The following KPNB1 variants were observed in gnomAD, a reference collection of about 807,000 sequenced individuals.
KPNB1 encodes karyopherin subunit beta 1, also known as importin subunit beta-1.
A neutral mutation model predicts 113.0 loss-of-function variants in KPNB1; 7 were observed. That is an observed-to-expected ratio of 0.06 (90% CI 0.04 to 0.12). KPNB1 has a LOEUF of 0.12. Ranked by LOEUF, KPNB1 falls within the 10% of genes least tolerant of loss-of-function variation. The probability of loss-of-function intolerance (pLI) is 1.00; values close to 1 mark genes in which losing one functional copy is unlikely to be tolerated. For missense variants in KPNB1, 400 were observed against 1,054.8 expected (o/e 0.38, Z 8.60); for synonymous variants, 363 against 378.6 (o/e 0.96, Z 0.48).
chr17:47,659,815 G>A (rs1035778860), intron 5 of KPNB1, among the ~76,000 whole-genome samples: 1 of 151,974 alleles, frequency 6.6e-6, no homozygotes, highest in Non-Finnish European at 1.5e-5. Flanking sequence ...GCTGAGGTGG[G>A]AGGATCACTT....
At chr17:47,659,830 C>G (rs1457999604) in intron 5 of KPNB1, among the ~76,000 whole-genome samples, 1 of 151,706 alleles carries the variant, frequency 6.6e-6, no homozygotes, top group African/African-American at 2.4e-5. Context: ...TCACTTGAGC[C>G]TGGGAGTTCA....
Position 47,658,496 on chromosome 17 carries a change from T to C in KPNB1, c.484-12T>C. The C allele has an allele frequency of 6.2e-7, 1 of 1,610,562 alleles. No homozygotes were observed. The highest frequency in any genetic ancestry group is 8.5e-7 in the Non-Finnish European group (1 of 1,179,366). On this transcript the variant is annotated splice_polypyrimidine_tract_variant and intron_variant, in intron 4 of 21. Transcript: ENST00000290158. ...TGACTGTATATTCATTGCACTTCTC[T>C]GCTTGTTACAGGACCCAGAGCAGCT...
At chr17:47,679,136 A>G (rs2030698295) in intron 19 of KPNB1, among the ~76,000 whole-genome samples, 1 of 149,834 alleles carries the variant, frequency 6.7e-6, no homozygotes, top group African/African-American at 2.5e-5. Flanking sequence ...CATGTTTTGC[A>G]GGCTGCTCTC....
chr17:47,674,603 A>T, intron 14 of KPNB1, 35 bp from the exon 15 acceptor site: 1 of 1,593,814 alleles, frequency 6.3e-7, no homozygotes, highest in Non-Finnish European at 8.6e-7. Flanking sequence ...GGAGATTTGG[A>T]ATCAACTGAT....
chr17:47,665,170 TC>T lies in KPNB1; in HGVS notation c.999+14del, dbSNP rs755886985. The T allele has an allele frequency of 4.1e-5, 65 of 1,582,400 alleles. No individual in the cohort carries two copies. The highest frequency in any genetic ancestry group is 5.6e-5 in the Non-Finnish European group (64 of 1,151,182). The stretch of plus-strand genomic sequence containing the variant: ...CACTAACTAAACAGGTGAGTTACCT[TC>T]CAAATATAGGTAGGTAAGCTGTGGA... On this transcript the variant is annotated intron_variant, in intron 9 of 21. Transcript: ENST00000290158.
chr17:47,657,233 A>G (rs535690315), intron 4 of KPNB1, among the ~76,000 whole-genome samples, 173 bp downstream of exon 4: 1 of 152,334 alleles, frequency 6.6e-6, no homozygotes. Flanking sequence ...ATTGCTAATC[A>G]TGCCCTAAAG....
intron 15 of KPNB1, among the ~76,000 whole-genome samples, chr17:47,675,361 G>GGTT (rs2030566469): frequency 5.6e-5 from 5 of 88,694 alleles, no homozygotes; most frequent in South Asian, 3.7e-4. Context: ...CAGAGGTGTT[G>GGTT]TTTTTTTTTT....
chr17:47,668,524 A>G, intron 10 of KPNB1, 114 bp downstream of exon 10: 1 of 796,258 alleles, frequency 1.3e-6, no homozygotes, highest in Admixed American at 2.7e-5. Flanking sequence ...GATTATCTCT[A>G]GATACTTGTT....
In KPNB1 at chr17:47,658,524, A is replaced by G; in HGVS notation, c.500A>G (p.Gln167Arg). The G allele has an allele frequency of 6.2e-7, 1 of 1,613,302 alleles. No homozygotes were observed. Among genetic ancestry groups the G allele is most frequent in the Non-Finnish European group, 8.5e-7 (1 of 1,180,026 alleles). ...ICQDIDPEQL[Q>R]DKSNEILTAI... The stretch of plus-strand genomic sequence containing the variant: ...TTGTTACAGGACCCAGAGCAGCTAC[A>G]AGATAAATCCAATGAGATTCTGACT... Residue 167 changes from glutamine to arginine, a missense_variant, in exon 5 of 22, where the codon CAA becomes CGA. Physicochemically the swap from Gln to Arg is conservative, Grantham distance 43. Coordinates refer to ENST00000290158, the MANE Select transcript of KPNB1 (RefSeq NM_002265.6).
chr17:47,667,134 G>A (rs1055811824), intron 9 of KPNB1, among the ~76,000 whole-genome samples: 4 of 151,478 alleles, frequency 2.6e-5, no homozygotes, highest in Admixed American at 2.6e-4. Flanking sequence ...TTTTTGGGGT[G>A]GCGTTGGGGG....
Position 47,652,821 on chromosome 17 carries a change from A to T in KPNB1, c.227A>T (p.Tyr76Phe). The change falls in exon 3 of 22, where the codon TAT (tyrosine) becomes TTT (phenylalanine). Residue 76 changes from tyrosine to phenylalanine, a missense_variant. This residue lies in a region of KPNB1 where 285 missense variants were observed against 627.0 expected (regional missense o/e 0.45). Transcript: ENST00000290158. Reference sequence around the variant, plus strand: ...AAAGATCCAGATATCAAGGCACAATATCAGCAGAGGTGGCTTGCTATTGAT... The same window carrying T: ...AAAGATCCAGATATCAAGGCACAATTTCAGCAGAGGTGGCTTGCTATTGAT... ...TSKDPDIKAQYQQRWLAIDAN... is the reference protein window; with the variant it reads ...TSKDPDIKAQFQQRWLAIDAN... The T allele has an allele frequency of 6.2e-7, 1 of 1,612,192 alleles. No homozygotes were observed.
chr17:47,664,984 C>CTGTTAA, intron 8 of KPNB1, 73 bp from the exon 9 acceptor site: 1 of 997,218 alleles, frequency 1.0e-6, no homozygotes, highest in Non-Finnish European at 1.6e-6. Flanking sequence ...GATCCCTGTT[C>CTGTTAA]GGCTCTCATT....
chr17:47,651,173 T>C, intron 2 of KPNB1: 1 of 981,032 alleles, frequency 1.0e-6, no homozygotes, highest in Non-Finnish European at 1.2e-6. Flanking sequence ...CAGGGGAAAG[T>C]TCCTCGTTTT....
Position 47,650,304 on chromosome 17 carries a change from G to GCCC in KPNB1, c.40+20_40+21insCCC, listed in dbSNP as rs768983913. The GCCC allele has an allele frequency of 1.7e-5, 27 of 1,608,182 alleles. No individual in the cohort carries two copies. The African/African-American group carries it at 3.1e-4, about 18-fold the overall frequency. On this transcript the variant is annotated intron_variant, in intron 1 of 21. Transcript: ENST00000290158. The stretch of plus-strand genomic sequence containing the variant: ...CTCCCGGTAGGACGCAGGAGCCGGG[G>GCCC]GTAGGGCTGAGGTGATTGGGGTGGG...
At position 47,684,860 on chromosome 17, in the gene KPNB1, C is replaced by T. The variant is rs1273583816; in HGVS notation, c.*2456C>T. The T allele has an allele frequency of 3.3e-5, 5 of 152,500 alleles. No homozygotes were observed. Among genetic ancestry groups the T allele is most frequent in the African/African-American group, 1.2e-4 (5 of 41,422 alleles). 9.4% of individuals were successfully genotyped at this position (152,500 alleles called of 1,614,324 possible). On this transcript the variant is annotated 3_prime_UTR_variant, in exon 22 of 22. Transcript: ENST00000290158. ...TCCTCTTTTCTAGTTAACCTTTTGC[C>T]AGTGGGTTTTCCATAGTCTGGGTAT...
At chr17:47,672,724 C>T (rs1178662256) in intron 12 of KPNB1, among the ~76,000 whole-genome samples, 4 of 152,220 alleles carry the variant, frequency 2.6e-5, no homozygotes, top group Non-Finnish European at 4.4e-5. Flanking sequence ...GCACTTCAGA[C>T]AACCTGTTAA....
intron 3 of KPNB1, among the ~76,000 whole-genome samples, chr17:47,654,416 A>T (rs1030579838): frequency 1.6e-5 from 2 of 127,048 alleles, no homozygotes; most frequent in African/African-American, 3.2e-5. Context: ...TCCATTTCTT[A>T]AAAAAAAAAA....
Position 47,683,490 on chromosome 17 carries a change from AAAATTGTGCC to A in KPNB1, c.*1090_*1099del, listed in dbSNP as rs1391603112. The A allele has an allele frequency of 1.4e-4, 22 of 152,588 alleles. No individual in the cohort carries two copies. The highest frequency in any genetic ancestry group is 1.4e-3 in the Admixed American group (22 of 15,268). 9.5% of individuals were successfully genotyped at this position (152,588 alleles called of 1,614,324 possible). On this transcript the variant is annotated 3_prime_UTR_variant, in exon 22 of 22. Transcript: ENST00000290158. ...ATTGTGGCAGTCTGAACGCCCCCAGAAAATTGTGCCAAAGAGTTTAGAAAAATAAATATAC... is the reference window on the plus strand; with the variant it reads ...ATTGTGGCAGTCTGAACGCCCCCAGAAAAGAGTTTAGAAAAATAAATATAC...
chr17:47,654,140 C>T (rs1373585496), intron 3 of KPNB1, among the ~76,000 whole-genome samples: 5 of 152,102 alleles, frequency 3.3e-5, no homozygotes, highest in Admixed American at 6.6e-5. Flanking sequence ...AATGGCTGGG[C>T]GCAGTGGCTC....
Sources: allele counts gnomAD v4.1 joint callset (sites outside exome capture counted in the v4.1 genomes callset), GRCh38; gene constraint gnomAD v4.1.1; regional missense constraint gnomAD v4.1.1; transcripts MANE v1.5; gene names NCBI Gene and HGNC (gene_info 2026-07-23, HGNC 2026-07-21).